Variants in ARHGAP10 observed in about 807,000 individuals in gnomAD.
ARHGAP10 encodes the protein Rho GTPase activating protein 10, also known as rho GTPase-activating protein 10.
Under a neutral mutation model 108.6 loss-of-function variants are expected in ARHGAP10, and 87 were observed. The observed-to-expected ratio is 0.80, with a 90% CI of 0.67 to 0.96. ARHGAP10 has a LOEUF of 0.96. Among genes scored for constraint, ARHGAP10 ranks in the 40% least tolerant of loss-of-function variants. The pLI, the probability that ARHGAP10 is intolerant of heterozygous loss-of-function variation, is 0.00. For synonymous variants in ARHGAP10, 347 were observed against 341.1 expected (o/e 1.02, Z -0.19); for missense variants, 939 against 954.5 (o/e 0.98, Z 0.21).
intron 1 of ARHGAP10, among the ~76,000 whole-genome samples, chr4:147,743,386 C>T (rs951331990): frequency 2.6e-5 from 4 of 152,034 alleles, no homozygotes; most frequent in Non-Finnish European, 5.9e-5. Flanking sequence ...AGCAAACATA[C>T]TAAAATAGAT....
chr4:147,811,677 C>G (rs1290321640), intron 1 of ARHGAP10, among the ~76,000 whole-genome samples: 1 of 151,596 alleles, frequency 6.6e-6, no homozygotes, highest in African/African-American at 2.4e-5. Context: ...TTATGTGCAA[C>G]TGCATACTTT....
chr4:147,941,990 T>C lies in ARHGAP10; in HGVS notation c.1303+2091T>C, dbSNP rs190365604. Among the ~76,000 whole-genome samples, 235 of 152,106 alleles carry C rather than the reference T, an allele frequency of 1.5e-3. 1 individual carries two copies. The highest frequency in any genetic ancestry group is 5.3e-3 in the African/African-American group (220 of 41,512). ...TTTAACGCCTCTTCCAAAAAAAGGG[T>C]TTTAGAGTTTTGAATAGTCATGTCT... On this transcript the variant is annotated intron_variant, in intron 14 of 22. Coordinates refer to ENST00000336498, the MANE Select transcript of ARHGAP10 (RefSeq NM_024605.4).
At chr4:147,961,246 GGTGA>G (rs1335040078) in intron 16 of ARHGAP10, among the ~76,000 whole-genome samples, 1 of 152,208 alleles carries the variant, frequency 6.6e-6, no homozygotes, top group East Asian at 1.9e-4. Context: ...CATTCTGGCA[GGTGA>G]GTATTACTCT....
At chr4:147,976,071 G>T (rs1438298653) in intron 18 of ARHGAP10, among the ~76,000 whole-genome samples, 2 of 152,246 alleles carry the variant, frequency 1.3e-5, no homozygotes, top group East Asian at 3.9e-4. Flanking sequence ...CATTCCTGTG[G>T]CTACAAACAC....
At chr4:147,873,336 C>T (rs191981769) in intron 7 of ARHGAP10, among the ~76,000 whole-genome samples, 9 of 152,092 alleles carry the variant, frequency 5.9e-5, no homozygotes, top group Non-Finnish European at 1.2e-4. Context: ...TAAATAATAG[C>T]ATTATTGGCT....
intron 16 of ARHGAP10, among the ~76,000 whole-genome samples, chr4:147,962,733 G>A (rs377207478): frequency 1.7e-3 from 254 of 152,188 alleles, no homozygotes; most frequent in African/African-American, 5.5e-3. Context: ...CTGGAGTGCA[G>A]TGGTGCTGCA....
At chr4:147,811,154 T>G (rs1253233524) in intron 1 of ARHGAP10, among the ~76,000 whole-genome samples, 3 of 152,250 alleles carry the variant, frequency 2.0e-5, no homozygotes, top group African/African-American at 7.2e-5. Context: ...AGGGACTTCT[T>G]TTATTCCTGG....
chr4:148,068,460 G>A (rs1256574799), intron 22 of ARHGAP10, among the ~76,000 whole-genome samples: 1 of 152,168 alleles, frequency 6.6e-6, no homozygotes, highest in Non-Finnish European at 1.5e-5. Context: ...CAGCGATGTG[G>A]TTGCCAGATA....
chr4:147,902,403 A>G (rs2126902253), intron 10 of ARHGAP10, among the ~76,000 whole-genome samples: 1 of 152,254 alleles, frequency 6.6e-6, no homozygotes, highest in Non-Finnish European at 1.5e-5. Flanking sequence ...ACTGCTGCAA[A>G]GAACTGCCTG....
At chr4:147,818,226 A>G (rs1271593206) in intron 1 of ARHGAP10, among the ~76,000 whole-genome samples, 1 of 151,510 alleles carries the variant, frequency 6.6e-6, no homozygotes, top group Non-Finnish European at 1.5e-5. Context: ...GAATAATTGA[A>G]ATAATATTTG....
At chr4:147,941,118 C>T (rs1738150318) in intron 14 of ARHGAP10, among the ~76,000 whole-genome samples, 1 of 152,200 alleles carries the variant, frequency 6.6e-6, no homozygotes. Context: ...ATTGGAATCA[C>T]TTCTTTCATT....
chr4:147,743,107 C>G (rs1728758071), intron 1 of ARHGAP10, among the ~76,000 whole-genome samples: 1 of 151,202 alleles, frequency 6.6e-6, no homozygotes, highest in African/African-American at 2.4e-5. Flanking sequence ...GATCTCGGCT[C>G]ACTGCAACCT....
intron 13 of ARHGAP10, among the ~76,000 whole-genome samples, chr4:147,929,326 A>G (rs1441981276): frequency 1.3e-5 from 2 of 152,174 alleles, no homozygotes; most frequent in Non-Finnish European, 2.9e-5. Flanking sequence ...TATGATGGTG[A>G]ATATGTCCCT....
chr4:147,960,900 C>A (rs1026246788), intron 16 of ARHGAP10, among the ~76,000 whole-genome samples: 1 of 152,198 alleles, frequency 6.6e-6, no homozygotes, highest in African/African-American at 2.4e-5. Context: ...AACATTCATT[C>A]ATTTTCATTG....
At chr4:148,016,513 A>T (rs1741352445) in intron 18 of ARHGAP10, among the ~76,000 whole-genome samples, 1 of 152,156 alleles carries the variant, frequency 6.6e-6, no homozygotes, top group Non-Finnish European at 1.5e-5. Context: ...CTGAAAGAAA[A>T]AAAAAATTGA....
At chr4:147,983,343 G>A (rs1157951712) in intron 18 of ARHGAP10, among the ~76,000 whole-genome samples, 4 of 151,554 alleles carry the variant, frequency 2.6e-5, no homozygotes, top group Non-Finnish European at 4.4e-5. Context: ...CCGCCACCAC[G>A]CCCAGCTAAT....
chr4:148,068,867 C>T (rs932833169), intron 22 of ARHGAP10, among the ~76,000 whole-genome samples: 1 of 152,180 alleles, frequency 6.6e-6, no homozygotes, highest in African/African-American at 2.4e-5. Flanking sequence ...AGGGACCTGC[C>T]TCTCTTTGGT....
chr4:147,907,628 G>A (rs569275035), intron 11 of ARHGAP10, among the ~76,000 whole-genome samples: 10 of 152,324 alleles, frequency 6.6e-5, no homozygotes, highest in Admixed American at 4.6e-4. Context: ...GCGCATTGGT[G>A]AGTGTATAGG....
At chr4:147,932,363 C>G (rs966538440) in intron 13 of ARHGAP10, among the ~76,000 whole-genome samples, 1 of 152,102 alleles carries the variant, frequency 6.6e-6, no homozygotes, top group Non-Finnish European at 1.5e-5. Flanking sequence ...ATGTTCACTA[C>G]ATTACTTTTC....
Sources: allele counts gnomAD v4.1 joint callset (sites outside exome capture counted in the v4.1 genomes callset), GRCh38; gene constraint gnomAD v4.1.1; transcripts MANE v1.5; gene names NCBI Gene and HGNC (gene_info 2026-07-23, HGNC 2026-07-21).